Variants in IRF2 observed in about 807,000 individuals in gnomAD.
The protein encoded by IRF2 is interferon regulatory factor 2.
In IRF2, 15 loss-of-function variants were observed where a neutral mutation model predicts 40.6. That is an observed-to-expected ratio of 0.37 (90% confidence interval 0.25 to 0.57). The LOEUF is 0.57. Ranked by LOEUF, IRF2 falls within the 20% of genes least tolerant of loss-of-function variation. The pLI is 0.77. For missense variants in IRF2, 317 were observed against 455.7 expected, an observed-to-expected ratio of 0.70 and a Z score of 2.77; for synonymous variants, 151 against 165.5, an observed-to-expected ratio of 0.91 and a Z score of 0.67.
chr4:184,435,069 C>T (rs1301144117), intron 1 of IRF2, among the ~76,000 whole-genome samples: 2 of 152,150 alleles, frequency 1.3e-5, no homozygotes, highest in African/African-American at 4.8e-5. Flanking sequence ...AAATAAAAAA[C>T]CTAGGGTTTT....
chr4:184,400,787 A>G (rs11132242), intron 6 of IRF2, among the ~76,000 whole-genome samples: 53,140 of 152,008 alleles, frequency 0.35, 9,437 homozygotes, highest in Middle Eastern at 0.43. Flanking sequence ...TTTCATGGCC[A>G]TTTTAATTTG....
intron 5 of IRF2, among the ~76,000 whole-genome samples, chr4:184,410,701 A>G (rs1183343360): frequency 6.6e-6 from 1 of 152,152 alleles, no homozygotes; most frequent in East Asian, 1.9e-4. Flanking sequence ...TTTTTTAGTC[A>G]TTCTGTTTCT....
At chr4:184,464,869 T>TC (rs1739268388) in intron 1 of IRF2, among the ~76,000 whole-genome samples, 1 of 151,924 alleles carries the variant, frequency 6.6e-6, no homozygotes, top group South Asian at 2.1e-4. Flanking sequence ...TCTTTTTTTT[T>TC]TCTCTCTCTC....
At chr4:184,467,428 A>G (rs751825624) in intron 1 of IRF2, among the ~76,000 whole-genome samples, 1 of 152,110 alleles carries the variant, frequency 6.6e-6, no homozygotes, top group Non-Finnish European at 1.5e-5. Flanking sequence ...CGACACACCC[A>G]TCATATCTAG....
chr4:184,424,115 T>C (rs1737583389), intron 2 of IRF2, among the ~76,000 whole-genome samples: 1 of 152,128 alleles, frequency 6.6e-6, no homozygotes, highest in Non-Finnish European at 1.5e-5. Flanking sequence ...TACATCTAGA[T>C]ACAGGCATAT....
chr4:184,447,220 G>A (rs1374208075), intron 1 of IRF2, among the ~76,000 whole-genome samples: 1 of 152,034 alleles, frequency 6.6e-6, no homozygotes, highest in Non-Finnish European at 1.5e-5. Flanking sequence ...AAAGATAATA[G>A]CAACATGTCA....
chr4:184,444,985 C>T (rs1402095750), intron 1 of IRF2, among the ~76,000 whole-genome samples: 3 of 152,222 alleles, frequency 2.0e-5, no homozygotes, highest in Non-Finnish European at 4.4e-5. Flanking sequence ...TCAAGGACCA[C>T]GCGCAAACTT....
In IRF2 at chr4:184,458,079, C is replaced by T. The variant is rs1199964874; in HGVS notation, c.-7+16300G>A. On this transcript the variant is annotated intron_variant, in intron 1 of 8. Transcript: ENST00000393593. Reference sequence around the variant, plus strand: ...CTTGCTGTTCTTTCAACCAAAAATGCCCTGCTCACCCACTGGCCACCAGAT... The same window carrying T: ...CTTGCTGTTCTTTCAACCAAAAATGTCCTGCTCACCCACTGGCCACCAGAT... 2.0e-5 allele frequency among the ~76,000 whole-genome samples: 3 copies of T among 152,176 alleles called. No individual in the cohort carries two copies. In the South Asian group the frequency reaches 6.2e-4, roughly 31 times the overall value.
At chr4:184,403,036 T>C (rs538050062) in intron 6 of IRF2, among the ~76,000 whole-genome samples, 1 of 152,360 alleles carries the variant, frequency 6.6e-6, no homozygotes, top group South Asian at 2.1e-4. Context: ...TTCTGGGCTA[T>C]GATCTGGATA....
At position 184,409,904 on chromosome 4, in the gene IRF2, C is replaced by CA. The variant is rs34502222; in HGVS notation, c.412-1630dup. On this transcript the variant is annotated intron_variant, in intron 5 of 8. Transcript: ENST00000393593. ...AGAGCGAGAGCCTGATTCTTAAAGA[C>CA]AAAAAAAAAAAAAGTCTGCCCCTTC... 2.4e-3 allele frequency among the ~76,000 whole-genome samples: 302 copies of CA among 123,802 alleles called. 1 individual carries two copies. Among genetic ancestry groups the CA allele is most frequent in the East Asian group, 7.6e-3 (32 of 4,184 alleles). 81.2% of individuals were successfully genotyped at this position (123,802 alleles called of 152,430 possible). A position where few individuals can be genotyped will look rare whatever the true frequency, so the allele number is the denominator to read the frequency against.
At chr4:184,431,599 C>CGGT (rs1396644905) in intron 1 of IRF2, among the ~76,000 whole-genome samples, 2 of 152,010 alleles carry the variant, frequency 1.3e-5, no homozygotes, top group Non-Finnish European at 2.9e-5. Flanking sequence ...AAATCCAGAG[C>CGGT]GGTCAAGAAA....
At chr4:184,433,784 G>A (rs1345174523) in intron 1 of IRF2, among the ~76,000 whole-genome samples, 3 of 152,188 alleles carry the variant, frequency 2.0e-5, no homozygotes, top group South Asian at 2.1e-4. Flanking sequence ...CATCTCCCAC[G>A]CCCTGGGCAG....
intron 1 of IRF2, chr4:184,473,899 CACACGCGCGCACACACAA>C: frequency 6.6e-6 from 1 of 152,178 alleles, no homozygotes; most frequent in East Asian, 1.9e-4. Context: ...TGCACACACA[CACACGCGCGCACACACAA>C]ACACGCACAT....
In IRF2 at chr4:184,407,206, C is replaced by T; in HGVS notation, c.529+952G>A. ...CGGCAAGAGGCCAGCGGAGGCCTGT[C>T]AGGACAATTCAGCATGCTGCTGGCT... On this transcript the variant is annotated intron_variant, in intron 6 of 8. Coordinates refer to ENST00000393593, the MANE Select transcript of IRF2 (RefSeq NM_002199.4). The T allele has an allele frequency of 1.6e-6, 2 of 1,289,444 alleles. 1 individual carries two copies. Among genetic ancestry groups the T allele is most frequent in the South Asian group, 2.5e-5 (2 of 81,036 alleles). The allele number at this position is 1,289,444 out of a possible 1,614,324, so 79.9% of individuals were successfully genotyped here.
At chr4:184,442,992 C>T (rs1250612301) in intron 1 of IRF2, among the ~76,000 whole-genome samples, 1 of 151,352 alleles carries the variant, frequency 6.6e-6, no homozygotes, top group African/African-American at 2.5e-5. Flanking sequence ...ATGGCACGAT[C>T]TCTGCTCACT....
chr4:184,409,442 G>GGTT, intron 5 of IRF2, among the ~76,000 whole-genome samples: 1 of 152,126 alleles, frequency 6.6e-6, no homozygotes. Context: ...TGTATAGCTC[G>GGTT]GTTTTTAAAC....
chr4:184,394,100 TTCTCC>T (rs1736358627), intron 7 of IRF2, among the ~76,000 whole-genome samples: 1 of 152,258 alleles, frequency 6.6e-6, no homozygotes. Flanking sequence ...CTGGAGTTGC[TTCTCC>T]AGCAACTCCA....
At chr4:184,426,759 A>G (rs1350392729) in intron 2 of IRF2, among the ~76,000 whole-genome samples, 2 of 152,174 alleles carry the variant, frequency 1.3e-5, no homozygotes, top group Non-Finnish European at 2.9e-5. Context: ...AACCAAAACT[A>G]GTGGAGGTAT....
intron 1 of IRF2, among the ~76,000 whole-genome samples, chr4:184,458,298 G>A (rs112666705): frequency 9.4e-4 from 143 of 152,188 alleles, no homozygotes; most frequent in African/African-American, 3.2e-3. Context: ...CCCATCTTTC[G>A]TTCTTTTCAT....
Sources: gnomAD v4.1 joint callset for allele counts (sites outside exome capture counted in the v4.1 genomes callset) on GRCh38, gnomAD v4.1.1 for gene constraint, MANE v1.5 for transcripts, NCBI Gene and HGNC (gene_info 2026-07-23, HGNC 2026-07-21) for gene names.